Variants in IQSEC3 observed in about 807,000 individuals in gnomAD.
IQSEC3 encodes the protein IQ motif and Sec7 domain ArfGEF 3, also known as IQ motif and SEC7 domain-containing protein 3.
Under a neutral mutation model 105.4 loss-of-function variants are expected in IQSEC3, and 50 were observed. The observed-to-expected ratio is 0.47, with a 90% CI of 0.38 to 0.60. The LOEUF is 0.60. Ranked by LOEUF, IQSEC3 falls within the 20% of genes least tolerant of loss-of-function variation. The probability of loss-of-function intolerance (pLI) is 0.00; values close to 1 mark genes in which losing one functional copy is unlikely to be tolerated. For missense variants in IQSEC3, 1,415 were observed against 1,630.0 expected, an observed-to-expected ratio of 0.87 and a Z score of 2.27; for synonymous variants, 708 against 746.0, an observed-to-expected ratio of 0.95 and a Z score of 0.83.
At chr12:157,492 G>GGGCCCCC in intron 6 of IQSEC3, 36 bp from the exon 7 acceptor site, 1 of 1,389,412 alleles carries the variant, frequency 7.2e-7, no homozygotes, top group Non-Finnish European at 9.8e-7. Flanking sequence ...GGTGGGCGGG[G>GGGCCCCC]GCTCAGCGTC....
rs781891932 is a variant in IQSEC3, at chr12:165,415, G to A, written c.2710-19G>A. 4 of 1,602,138 alleles carry A rather than the reference G, an allele frequency of 2.5e-6. No individual in the cohort carries two copies. Among genetic ancestry groups the A allele is most frequent in the African/African-American group, 2.7e-5 (2 of 74,708 alleles). ...AGTGTCTGTTCATCAGGGCATGCCT[G>A]TTTCCCTCTCCTGAACAGATTCTCA... On this transcript the variant is annotated intron_variant, in intron 9 of 13. Transcript: ENST00000538872.
intron 2 of IQSEC3, among the ~76,000 whole-genome samples, chr12:107,701 C>T (rs1021547361): frequency 6.6e-6 from 1 of 151,896 alleles, no homozygotes; most frequent in African/African-American, 2.4e-5. Flanking sequence ...TGAGCCACCG[C>T]GCCCGGCCGG....
At chr12:85,179 C>A (rs1217711540) in intron 1 of IQSEC3, among the ~76,000 whole-genome samples, 3 of 152,184 alleles carry the variant, frequency 2.0e-5, no homozygotes, top group Non-Finnish European at 2.9e-5. Context: ...CCTGGAGAAA[C>A]ACTGCGTGCC....
intron 1 of IQSEC3, among the ~76,000 whole-genome samples, chr12:92,047 C>T (rs1864103587): frequency 6.6e-6 from 1 of 152,152 alleles, no homozygotes; most frequent in South Asian, 2.1e-4. Flanking sequence ...CACATAAAAA[C>T]CTCATACTGG....
At chr12:76,007 T>G (rs1863505720) in intron 1 of IQSEC3, among the ~76,000 whole-genome samples, 1 of 152,022 alleles carries the variant, frequency 6.6e-6, no homozygotes, top group South Asian at 2.1e-4. Context: ...AGCCCTCTAC[T>G]CCCTCTGCCC....
At chr12:122,479 G>T (rs1555082135) in intron 2 of IQSEC3, among the ~76,000 whole-genome samples, 2 of 152,228 alleles carry the variant, frequency 1.3e-5, no homozygotes, top group Admixed American at 1.3e-4. Context: ...CCCACAACAA[G>T]GCTATTTTTT....
At chr12:172,994 G>A (rs1411623512) in intron 13 of IQSEC3, among the ~76,000 whole-genome samples, 5 of 152,146 alleles carry the variant, frequency 3.3e-5, no homozygotes, top group African/African-American at 4.8e-5. Context: ...CCAGACATTC[G>A]CCTGGGGAGA....
At chr12:78,295 G>A (rs1863625330) in intron 1 of IQSEC3, among the ~76,000 whole-genome samples, 1 of 143,870 alleles carries the variant, frequency 7.0e-6, no homozygotes, top group Non-Finnish European at 1.6e-5. Flanking sequence ...CCTTCGGGCC[G>A]GGTGCTGGGT....
intron 1 of IQSEC3, among the ~76,000 whole-genome samples, chr12:75,227 T>C (rs1195456330): frequency 3.3e-5 from 5 of 152,286 alleles, no homozygotes; most frequent in African/African-American, 1.2e-4. Context: ...GAAGGGAGGA[T>C]ACTGGGGTAG....
intron 2 of IQSEC3, among the ~76,000 whole-genome samples, chr12:108,326 C>G (rs1382855388): frequency 6.6e-6 from 1 of 152,242 alleles, no homozygotes; most frequent in African/African-American, 2.4e-5. Context: ...ATAGCATATA[C>G]AGTGCCTTCT....
chr12:104,104 G>A (rs1864559876), intron 2 of IQSEC3, among the ~76,000 whole-genome samples: 1 of 152,026 alleles, frequency 6.6e-6, no homozygotes, highest in South Asian at 2.1e-4. Flanking sequence ...TTTATTGAAC[G>A]TGCCAGGGAC....
chr12:108,741 G>A (rs372075391), intron 2 of IQSEC3, among the ~76,000 whole-genome samples: 13 of 152,370 alleles, frequency 8.5e-5, no homozygotes, highest in African/African-American at 3.1e-4. Context: ...GCCGGGCTCT[G>A]CCGGGTCTGG....
At chr12:113,849 A>C (rs1260123251) in intron 2 of IQSEC3, among the ~76,000 whole-genome samples, 3 of 152,202 alleles carry the variant, frequency 2.0e-5, no homozygotes, top group African/African-American at 2.4e-5. Context: ...GCTTGGAAAG[A>C]GAAAGAGAGA....
intron 2 of IQSEC3, among the ~76,000 whole-genome samples, chr12:100,873 C>G (rs1864401400): frequency 6.6e-6 from 1 of 152,018 alleles, no homozygotes; most frequent in African/African-American, 2.4e-5. Context: ...TGGAAGACAC[C>G]AGGATGTTGT....
chr12:107,545 G>T (rs1363012870), intron 2 of IQSEC3, among the ~76,000 whole-genome samples: 8 of 151,678 alleles, frequency 5.3e-5, no homozygotes, highest in Admixed American at 5.2e-4. Flanking sequence ...GAGTAGCTGG[G>T]ACTACAGGTG....
intron 5 of IQSEC3, among the ~76,000 whole-genome samples, chr12:149,970 G>A (rs1866440336): frequency 6.6e-6 from 1 of 152,230 alleles, no homozygotes; most frequent in South Asian, 2.1e-4. Flanking sequence ...GCAGGGACAT[G>A]AGCTATGATG....
Position 138,439 on chromosome 12 carries a change from C to G in IQSEC3, c.1076C>G (p.Pro359Arg). ...ATCTCCCTGCGCAAGGTGCGGTCACCCACGGCCGAGAGCCTGGCGGCCGAG... is the reference window on the plus strand; with the variant it reads ...ATCTCCCTGCGCAAGGTGCGGTCACGCACGGCCGAGAGCCTGGCGGCCGAG... The part of the protein sequence containing the change: ...RRISLRKVRS[P>R]TAESLAAEKA... The change falls in exon 4 of 14, where the codon CCC (proline) becomes CGC (arginine). Residue 359 changes from proline (P) to arginine (R), a missense_variant. By Grantham distance (103) the Pro-to-Arg change is moderately radical. This residue lies in a region of IQSEC3 where 720 missense variants were observed against 633.0 expected (regional missense o/e 1.14). Coordinates refer to ENST00000538872, the MANE Select transcript of IQSEC3 (RefSeq NM_001170738.2). This position sits in a 1 kb window ranked among gnomAD's most constrained non-coding sequence, Gnocchi z 7.1. 1 of 1,605,856 alleles carries G rather than the reference C, an allele frequency of 6.2e-7. No homozygotes were observed. The highest frequency in any genetic ancestry group is 1.1e-5 in the South Asian group (1 of 90,928).
chr12:103,199 G>A (rs1416731866), intron 2 of IQSEC3, among the ~76,000 whole-genome samples: 1 of 151,640 alleles, frequency 6.6e-6, no homozygotes, highest in African/African-American at 2.4e-5. Flanking sequence ...CAGGCTCTCA[G>A]TGACAATGAC....
At position 177,317 on chromosome 12, in the gene IQSEC3, T is replaced by C. The variant is rs927281884; in HGVS notation, c.*2284T>C. On this transcript the variant is annotated 3_prime_UTR_variant, in exon 14 of 14. Coordinates refer to ENST00000538872, the MANE Select transcript of IQSEC3 (RefSeq NM_001170738.2). The surrounding 1 kb of genome is among the most constrained non-coding windows in gnomAD (Gnocchi z 5.3). ...CCCCTGCTCACACAGCTCTTCAAAC[T>C]TACCAAGTGCCCTCTCCCCTGTTGA... 8.3e-6 allele frequency: 1 copy of C among 120,780 alleles called. No individual in the cohort carries two copies. Among genetic ancestry groups the C allele is most frequent in the Non-Finnish European group, 1.9e-5 (1 of 52,564 alleles). 7.5% of individuals were successfully genotyped at this position (120,780 alleles called of 1,614,324 possible).
Sources: gnomAD v4.1 joint callset for allele counts (sites outside exome capture counted in the v4.1 genomes callset) on GRCh38, gnomAD v4.1.1 for gene constraint, gnomAD v4.1.1 regional missense constraint, Gnocchi (gnomAD v3.1) non-coding constraint, MANE v1.5 for transcripts, NCBI Gene and HGNC (gene_info 2026-07-23, HGNC 2026-07-21) for gene names.